MDGA2: variants seen among roughly 807,000 people sequenced by gnomAD.
MDGA2 encodes MAM domain containing glycosylphosphatidylinositol anchor 2.
In MDGA2, 40 loss-of-function variants were observed where a neutral mutation model predicts 117.8. The observed-to-expected ratio is 0.34, with a 90% CI of 0.26 to 0.44. The LOEUF (loss-of-function observed/expected upper bound fraction) is 0.44. Ranked by LOEUF, MDGA2 falls within the 20% of genes least tolerant of loss-of-function variation. MDGA2 has a pLI of 1.00. For missense variants in MDGA2, 1,123 were observed against 1,250.6 expected (o/e 0.90, Z 1.54); for synonymous variants, 452 against 439.0 (o/e 1.03, Z -0.37).
In MDGA2 at chr14:47,212,445, A is replaced by C. The variant is rs147614609; in HGVS notation, c.595+5576T>G. On this transcript the variant is annotated intron_variant, in intron 3 of 16. Transcript: ENST00000399232. ...TAATTTTTTAAAAATCAAACTATGC[A>C]AGTGCAGTTTTAAAAGCCAAATAAT... Among the ~76,000 whole-genome samples, 589 of 152,284 alleles carry C rather than the reference A, an allele frequency of 3.9e-3. 6 individuals are homozygous for C. Among genetic ancestry groups the C allele is most frequent in the African/African-American group, 0.013 (550 of 41,576 alleles).
intron 3 of MDGA2, among the ~76,000 whole-genome samples, chr14:47,191,770 T>C (rs1408709159): frequency 6.6e-6 from 1 of 152,172 alleles, no homozygotes; most frequent in East Asian, 1.9e-4. Context: ...TCTCCTGATG[T>C]ACCGCAGTCA....
At chr14:47,580,221 G>A (rs1475239916) in intron 1 of MDGA2, among the ~76,000 whole-genome samples, 1 of 152,002 alleles carries the variant, frequency 6.6e-6, no homozygotes, top group Non-Finnish European at 1.5e-5. Context: ...TTACGTTTCT[G>A]AGGCAGGGAA....
intron 1 of MDGA2, among the ~76,000 whole-genome samples, chr14:47,508,481 T>C (rs899073560): frequency 1.3e-5 from 2 of 152,084 alleles, no homozygotes; most frequent in African/African-American, 4.8e-5. Context: ...CCCATTGTTG[T>C]TATAAAAACA....
At chr14:47,305,347 A>G (rs1249947098) in intron 1 of MDGA2, 2 of 152,164 alleles carry the variant, frequency 1.3e-5, no homozygotes, top group Non-Finnish European at 2.9e-5. Context: ...AATGAATTAC[A>G]ATGTTAAAAT....
chr14:47,563,661 C>T (rs1296229449), intron 1 of MDGA2, among the ~76,000 whole-genome samples: 1 of 140,882 alleles, frequency 7.1e-6, no homozygotes, highest in East Asian at 2.2e-4. Flanking sequence ...ATGATGTCAC[C>T]ACACGTGAGA....
intron 7 of MDGA2, chr14:47,058,516 C>T (rs1483242044): frequency 2.0e-6 from 2 of 984,104 alleles, no homozygotes; most frequent in Non-Finnish European, 2.4e-6. Flanking sequence ...TGATATAATC[C>T]AAGATTTCCT....
intron 3 of MDGA2, among the ~76,000 whole-genome samples, chr14:47,160,774 G>C (rs990108443): frequency 1.9e-4 from 29 of 152,326 alleles, no homozygotes; most frequent in Admixed American, 1.1e-3. Flanking sequence ...TTTTAGGTAA[G>C]TGAAAACTCA....
At position 46,967,068 on chromosome 14, in the gene MDGA2, TTAAA is replaced by T. The variant is rs1353444486; in HGVS notation, c.1820-9429_1820-9426del. 7.1e-5 allele frequency among the ~76,000 whole-genome samples: 10 copies of T among 140,506 alleles called. No individual in the cohort carries two copies. The East Asian group carries it at 8.4e-4, about 12-fold the overall frequency. The allele number at this position is 140,506 out of a possible 152,430, so 92.2% of individuals were successfully genotyped here. On this transcript the variant is annotated intron_variant, in intron 8 of 16. Transcript: ENST00000399232. ...TAATTTTAAAAACAATAAAAGATGT[TTAAA>T]TAAATAATAGAACCTTCAAATGAAT...
rs923678121 is a variant in MDGA2 at position 47,007,503 on chromosome 14, TA to T, written c.1819+27507del. On this transcript the variant is annotated intron_variant, in intron 8 of 16. Coordinates refer to ENST00000399232, the MANE Select transcript of MDGA2 (RefSeq NM_001113498.3). ...TCATAAAGGCTATTTTAGTATACAT[TA>T]AAATTTTACCGTATCTCCTTAGGTG... Among the ~76,000 whole-genome samples, 178 of 151,882 alleles carry T rather than the reference TA, an allele frequency of 1.2e-3. 1 individual carries two copies. The highest frequency in any genetic ancestry group is 4.0e-3 in the African/African-American group (166 of 41,516).
intron 9 of MDGA2, among the ~76,000 whole-genome samples, chr14:46,948,570 GGATGGA>G (rs1209387094): frequency 1.3e-5 from 2 of 151,936 alleles, no homozygotes; most frequent in African/African-American, 4.8e-5. Flanking sequence ...GAGGGAGTGT[GGATGGA>G]GATGTGAGGA....
chr14:47,300,603 C>T (rs1197055975), intron 2 of MDGA2, among the ~76,000 whole-genome samples: 1 of 151,990 alleles, frequency 6.6e-6, no homozygotes, highest in Non-Finnish European at 1.5e-5. Flanking sequence ...GATCCTCCCA[C>T]GTCAGCCTCC....
At chr14:47,083,412 G>A (rs1209558287) in intron 6 of MDGA2, among the ~76,000 whole-genome samples, 1 of 151,872 alleles carries the variant, frequency 6.6e-6, no homozygotes, top group African/African-American at 2.4e-5. Flanking sequence ...ATGTAAACCT[G>A]AAATATGCAA....
In MDGA2 at chr14:47,244,797, T is replaced by C. The variant is rs532070755; in HGVS notation, c.421-26602A>G. On this transcript the variant is annotated intron_variant, in intron 2 of 16. Coordinates refer to ENST00000399232, the MANE Select transcript of MDGA2 (RefSeq NM_001113498.3). Reference sequence around the variant, plus strand: ...CTGTGTCTGTATATTTTTATATACATATACCGAAACAGTATTTTGTTCCCA... The same window carrying C: ...CTGTGTCTGTATATTTTTATATACACATACCGAAACAGTATTTTGTTCCCA... Among the ~76,000 whole-genome samples, 50 of 151,912 alleles carry C rather than the reference T, an allele frequency of 3.3e-4. 1 individual carries two copies. In the South Asian group the frequency reaches 6.9e-3, roughly 21 times the overall value.
intron 1 of MDGA2, among the ~76,000 whole-genome samples, chr14:47,347,496 T>C (rs534012339): frequency 4.3e-4 from 65 of 152,314 alleles, no homozygotes; most frequent in African/African-American, 1.4e-3. Context: ...ACTAGTCTAA[T>C]AGACAAGATG....
In MDGA2 at chr14:47,098,096, AAGTT is replaced by A. The variant is rs895914867; in HGVS notation, c.926-977_926-974del. On this transcript the variant is annotated intron_variant, in intron 5 of 16. Coordinates refer to ENST00000399232, the MANE Select transcript of MDGA2 (RefSeq NM_001113498.3). ...TGACACATTCAGAAATATTTTGTCA[AAGTT>A]AGAGCTGTATTATATGAAATCAATC... 9.9e-5 allele frequency among the ~76,000 whole-genome samples: 15 copies of A among 151,916 alleles called. 1 individual carries two copies. The highest frequency in any genetic ancestry group is 3.4e-4 in the African/African-American group (14 of 41,418).
At chr14:47,614,507 T>G (rs1343774015) in intron 1 of MDGA2, among the ~76,000 whole-genome samples, 1 of 152,184 alleles carries the variant, frequency 6.6e-6, no homozygotes, top group Admixed American at 6.5e-5. Flanking sequence ...ATTTCCACAC[T>G]CGTGCTAACT....
chr14:47,085,896 T>G (rs1890877451), intron 6 of MDGA2, among the ~76,000 whole-genome samples: 2 of 152,078 alleles, frequency 1.3e-5, no homozygotes, highest in African/African-American at 2.4e-5. Context: ...CCTGAGTTAT[T>G]TAAAACAATT....
At chr14:46,858,480 T>G (rs1386269336) in intron 14 of MDGA2, among the ~76,000 whole-genome samples, 1 of 148,670 alleles carries the variant, frequency 6.7e-6, no homozygotes, top group Non-Finnish European at 1.5e-5. Context: ...CAGGCTGAAG[T>G]GCAGTGGCGC....
At chr14:47,389,420 A>C (rs1486604189) in intron 1 of MDGA2, among the ~76,000 whole-genome samples, 1 of 152,140 alleles carries the variant, frequency 6.6e-6, no homozygotes, top group Non-Finnish European at 1.5e-5. Context: ...GACTGACCTT[A>C]CTAATTTTTG....
Sources: gnomAD v4.1 joint callset for allele counts (sites outside exome capture counted in the v4.1 genomes callset) on GRCh38, gnomAD v4.1.1 for gene constraint, MANE v1.5 for transcripts, NCBI Gene and HGNC (gene_info 2026-07-23, HGNC 2026-07-21) for gene names.